The following DHRS3 variants were observed in gnomAD, a reference collection of about 807,000 sequenced individuals.
DHRS3 encodes the protein dehydrogenase/reductase 3, also known as short-chain dehydrogenase/reductase 3.
In DHRS3, 14 loss-of-function variants were observed where a neutral mutation model predicts 27.2. That is an observed-to-expected ratio of 0.52 (90% CI 0.34 to 0.81). The LOEUF (loss-of-function observed/expected upper bound fraction) is 0.81, where lower values mean the gene tolerates loss of function less well. DHRS3 is among the 30% of genes least tolerant of loss of function. The probability of loss-of-function intolerance (pLI) is 0.01; values close to 1 mark genes in which losing one functional copy is unlikely to be tolerated. For synonymous variants in DHRS3, 165 were observed against 175.9 expected (o/e 0.94, Z 0.49); for missense variants, 322 against 406.2 (o/e 0.79, Z 1.78).
At chr1:12,611,657 G>A (rs769797624) in intron 1 of DHRS3, among the ~76,000 whole-genome samples, 5 of 152,116 alleles carry the variant, frequency 3.3e-5, no homozygotes, top group Non-Finnish European at 5.9e-5. Context: ...CTGGCAATCC[G>A]TTGCTTTCTT....
intron 3 of DHRS3, 69 bp from the exon 4 acceptor site, chr1:12,579,025 G>A: frequency 2.8e-6 from 4 of 1,435,850 alleles, no homozygotes; most frequent in Non-Finnish European, 2.9e-6. Context: ...TTCTTTCGGG[G>A]AGAACAGCCC....
At position 12,586,962 on chromosome 1, in the gene DHRS3, G is replaced by GCACTGCCTCTGATACACCCTCTT. The variant is rs1243696142; in HGVS notation, c.196-6319_196-6297dup. 3.3e-5 allele frequency among the ~76,000 whole-genome samples: 5 copies of GCACTGCCTCTGATACACCCTCTT among 151,854 alleles called. No individual in the cohort carries two copies. The highest frequency in any genetic ancestry group is 4.9e-5 in the African/African-American group (2 of 41,210). On this transcript the variant is annotated intron_variant, in intron 1 of 5. Coordinates refer to ENST00000616661, the MANE Select transcript of DHRS3 (RefSeq NM_004753.7). The surrounding 1 kb of genome is among the most constrained non-coding windows in gnomAD (Gnocchi z 5.0). ...GGGAGGAAAAGCTGAGAAAATCATA[G>GCACTGCCTCTGATACACCCTCTT]CACTGCCTCTGATACACCCTCTTCA...
chr1:12,571,227 G>A (rs1188304296), intron 5 of DHRS3, among the ~76,000 whole-genome samples: 1 of 152,234 alleles, frequency 6.6e-6, no homozygotes, highest in African/African-American at 2.4e-5. Flanking sequence ...GGAAGGATTT[G>A]CTGCACAAAG....
chr1:12,598,599 A>G (rs867325681), intron 1 of DHRS3, among the ~76,000 whole-genome samples: 30 of 152,202 alleles, frequency 2.0e-4, no homozygotes, highest in Admixed American at 2.0e-4. Context: ...CCACTGTGGT[A>G]ACTATCACTG....
chr1:12,598,838 G>T (rs1220196186), intron 1 of DHRS3, among the ~76,000 whole-genome samples: 2 of 152,216 alleles, frequency 1.3e-5, no homozygotes, highest in Non-Finnish European at 2.9e-5. Context: ...AACTAGCTGA[G>T]CAGAGACCCC....
In DHRS3 at chr1:12,594,815, GAC is replaced by G. The variant is rs1490341455; in HGVS notation, c.196-14151_196-14150del. Among the ~76,000 whole-genome samples the G allele has an allele frequency of 6.6e-6, 1 of 151,016 alleles. No homozygotes were observed. Among genetic ancestry groups the G allele is most frequent in the Non-Finnish European group, 1.5e-5 (1 of 68,012 alleles). The stretch of plus-strand genomic sequence containing the variant: ...ATTGGGAGGTTGTAAGGAGAAAAAA[GAC>G]AGCCTCTGACATGAAGCTGGAAGGG... On this transcript the variant is annotated intron_variant, in intron 1 of 5. Transcript: ENST00000616661. This position sits in a 1 kb window ranked among gnomAD's most constrained non-coding sequence, Gnocchi z 4.1.
chr1:12,586,491 A>G lies in DHRS3; in HGVS notation c.196-5825T>C, dbSNP rs1229624825. 3.3e-5 allele frequency among the ~76,000 whole-genome samples: 5 copies of G among 152,172 alleles called. No homozygotes were observed. The highest frequency in any genetic ancestry group is 5.9e-5 in the Non-Finnish European group (4 of 68,020). On this transcript the variant is annotated intron_variant, in intron 1 of 5. Transcript: ENST00000616661. This position sits in a 1 kb window ranked among gnomAD's most constrained non-coding sequence, Gnocchi z 5.0. ...TCCAGCACCACACGGACAGCCGGCT[A>G]TGGGCTGGGGTGGTGATCCAACAGA...
chr1:12,608,717 T>C lies in DHRS3; in HGVS notation c.195+8437A>G, dbSNP rs1207994761. On this transcript the variant is annotated intron_variant, in intron 1 of 5. Transcript: ENST00000616661. The surrounding 1 kb of genome is among the most constrained non-coding windows in gnomAD (Gnocchi z 4.1). ...CCATGTTTGCTTAAAGAGCAACCTG[T>C]TCCAAAGGGCAGGAAGGTGTTCCTC... Among the ~76,000 whole-genome samples, 1 of 152,190 alleles carries C rather than the reference T, an allele frequency of 6.6e-6. No individual in the cohort carries two copies. The highest frequency in any genetic ancestry group is 1.5e-5 in the Non-Finnish European group (1 of 68,032).
intron 1 of DHRS3, among the ~76,000 whole-genome samples, chr1:12,588,737 C>T (rs1158172641): frequency 6.6e-6 from 1 of 152,256 alleles, no homozygotes; most frequent in Non-Finnish European, 1.5e-5. Context: ...TGCACTAATG[C>T]TGGACTTGGC....
Position 12,578,673 on chromosome 1 carries a change from G to T in DHRS3, c.698+45C>A. 2 of 1,561,092 alleles carry T rather than the reference G, an allele frequency of 1.3e-6. No individual in the cohort carries two copies. Among genetic ancestry groups the T allele is most frequent in the South Asian group, 1.1e-5 (1 of 89,778 alleles). ...TTGGCTGACTGAATGGCTTGGGGAG[G>T]CAGGTGAGAAGGCTGGTCTCAAGGT... On this transcript the variant is annotated intron_variant, in intron 4 of 5. Transcript: ENST00000616661. This position sits in a 1 kb window ranked among gnomAD's most constrained non-coding sequence, Gnocchi z 4.5.
intron 1 of DHRS3, among the ~76,000 whole-genome samples, chr1:12,616,343 C>T (rs1646944177): frequency 6.6e-6 from 1 of 152,156 alleles, no homozygotes; most frequent in Non-Finnish European, 1.5e-5. Flanking sequence ...AGTTGGGTGA[C>T]AGCCTGCCCA....
At chr1:12,615,983 C>T (rs991506992) in intron 1 of DHRS3, among the ~76,000 whole-genome samples, 2 of 152,216 alleles carry the variant, frequency 1.3e-5, no homozygotes, top group Admixed American at 6.5e-5. Context: ...AAGAGTTAAT[C>T]GGATCGGCTT....
chr1:12,585,889 G>A (rs1481985608), intron 1 of DHRS3, among the ~76,000 whole-genome samples: 2 of 152,246 alleles, frequency 1.3e-5, no homozygotes, highest in African/African-American at 2.4e-5. Flanking sequence ...GAACCAGTGC[G>A]GCTGCCTCTT....
chr1:12,585,917 C>G (rs546837431), intron 1 of DHRS3, among the ~76,000 whole-genome samples: 1 of 152,212 alleles, frequency 6.6e-6, no homozygotes, highest in Non-Finnish European at 1.5e-5. Flanking sequence ...TCGGGACAGG[C>G]AGCAGCTGGG....
intron 1 of DHRS3, among the ~76,000 whole-genome samples, chr1:12,612,498 C>T (rs1646917241): frequency 6.6e-6 from 1 of 152,070 alleles, no homozygotes; most frequent in Non-Finnish European, 1.5e-5. Flanking sequence ...CTTGTCACAC[C>T]CCTTCTGGTT....
intron 5 of DHRS3, 32 bp from the exon 6 acceptor site, chr1:12,568,456 T>A (rs760597870): frequency 6.2e-7 from 1 of 1,604,706 alleles, no homozygotes; most frequent in Non-Finnish European, 8.5e-7. Flanking sequence ...AAGATAGCGA[T>A]GGTTAGTGGG....
chr1:12,604,624 T>A (rs1646857639), intron 1 of DHRS3, among the ~76,000 whole-genome samples: 1 of 152,166 alleles, frequency 6.6e-6, no homozygotes, highest in Non-Finnish European at 1.5e-5. Flanking sequence ...TGACCCTGAA[T>A]GAGGCAGGCC....
At chr1:12,579,077 C>A in intron 3 of DHRS3, 121 bp from the exon 4 acceptor site, 6 of 1,247,970 alleles carry the variant, frequency 4.8e-6, no homozygotes, top group Non-Finnish European at 5.6e-6. Flanking sequence ...AGCCTTCCTG[C>A]GAGGGAGAGG....
chr1:12,616,339 G>A (rs1385307431), intron 1 of DHRS3, among the ~76,000 whole-genome samples: 1 of 152,124 alleles, frequency 6.6e-6, no homozygotes, highest in East Asian at 1.9e-4. Context: ...TGGGAGTTGG[G>A]TGACAGCCTG....
Sources: gnomAD v4.1 joint callset for allele counts (sites outside exome capture counted in the v4.1 genomes callset) on GRCh38, gnomAD v4.1.1 for gene constraint, Gnocchi (gnomAD v3.1) non-coding constraint, MANE v1.5 for transcripts, NCBI Gene and HGNC (gene_info 2026-07-23, HGNC 2026-07-21) for gene names.